GALNT16: variants seen among roughly 807,000 people sequenced by gnomAD.
GALNT16 encodes the protein polypeptide N-acetylgalactosaminyltransferase 16.
In GALNT16, 40 loss-of-function variants were observed where a neutral mutation model predicts 76.1. The observed-to-expected ratio is 0.53, with a 90% CI of 0.41 to 0.68. GALNT16 has a LOEUF of 0.68. Ranked by LOEUF, GALNT16 falls within the 30% of genes least tolerant of loss-of-function variation. GALNT16 has a pLI of 0.00. For synonymous variants in GALNT16, 276 were observed against 285.2 expected (o/e 0.97, Z 0.32); for missense variants, 621 against 731.9 (o/e 0.85, Z 1.75).
the GALNT16 span, among the ~76,000 whole-genome samples, chr14:69,382,570 A>G: frequency 6.6e-6 from 1 of 152,146 alleles, no homozygotes; most frequent in Admixed American, 6.6e-5. Flanking sequence ...CCAGTGGCTC[A>G]TGCCTGTAAT....
chr14:69,329,149 G>A (rs2045322653), intron 6 of GALNT16, among the ~76,000 whole-genome samples: 1 of 152,204 alleles, frequency 6.6e-6, no homozygotes, highest in Non-Finnish European at 1.5e-5. Flanking sequence ...CCTGAGATCG[G>A]GAGTTCAAGA....
chr14:69,320,628 T>A, intron 1 of GALNT16, 83 bp from the exon 2 acceptor site: 1 of 1,327,922 alleles, frequency 7.5e-7, no homozygotes, highest in Non-Finnish European at 1.0e-6. Flanking sequence ...CGTGGCTGGC[T>A]CCCGCCTGGT....
intron 6 of GALNT16, among the ~76,000 whole-genome samples, chr14:69,329,644 C>T (rs570228476): frequency 2.0e-5 from 3 of 152,142 alleles, no homozygotes; most frequent in African/African-American, 4.8e-5. Flanking sequence ...AAGGTTTAAT[C>T]GGCTCACGTT....
intron 9 of GALNT16, among the ~76,000 whole-genome samples, chr14:69,337,236 G>A (rs1184291162): frequency 6.6e-6 from 1 of 152,116 alleles, no homozygotes; most frequent in East Asian, 1.9e-4. Flanking sequence ...TTCTGCAACT[G>A]AATATTTGAG....
intron 1 of GALNT16, among the ~76,000 whole-genome samples, chr14:69,270,264 A>G (rs1352555832): frequency 1.3e-5 from 2 of 152,122 alleles, no homozygotes; most frequent in Admixed American, 1.3e-4. Context: ...TTTCTCGGGC[A>G]GGTGGTTGAT....
At chr14:69,279,865 G>A (rs910633657) in intron 1 of GALNT16, among the ~76,000 whole-genome samples, 1 of 152,176 alleles carries the variant, frequency 6.6e-6, no homozygotes, top group Non-Finnish European at 1.5e-5. Flanking sequence ...GGCTGTTGGG[G>A]GAAGAGACTG....
At chr14:69,326,921 A>G (rs1170562013) in intron 5 of GALNT16, among the ~76,000 whole-genome samples, 1 of 152,102 alleles carries the variant, frequency 6.6e-6, no homozygotes, top group Non-Finnish European at 1.5e-5. Flanking sequence ...ACTCATACTC[A>G]TACTCCCTTC....
chr14:69,326,759 G>T (rs2045290941), intron 5 of GALNT16, among the ~76,000 whole-genome samples: 1 of 152,212 alleles, frequency 6.6e-6, no homozygotes, highest in South Asian at 2.1e-4. Flanking sequence ...CGGGCATCCG[G>T]TTTGCTACTT....
intron 1 of GALNT16, among the ~76,000 whole-genome samples, chr14:69,310,505 G>A (rs1241230922): frequency 6.6e-6 from 1 of 152,080 alleles, no homozygotes; most frequent in East Asian, 1.9e-4. Flanking sequence ...GGCCATAAAG[G>A]GAAACATGGA....
Position 69,338,635 on chromosome 14 carries a change from C to G in GALNT16, c.968-16C>G. The G allele has an allele frequency of 6.2e-7, 1 of 1,610,712 alleles. No individual in the cohort carries two copies. The highest frequency in any genetic ancestry group is 8.5e-7 in the Non-Finnish European group (1 of 1,177,690). On this transcript the variant is annotated splice_polypyrimidine_tract_variant and intron_variant, in intron 9 of 14. Transcript: ENST00000448469. ...AGGAACCCCTTCCTCCTCCTGACGG[C>G]TACTATTTCCTGCAGAGCTCTCCTT...
At chr14:69,360,673 A>G (rs928529244), downstream of GALNT16, among the ~76,000 whole-genome samples, 3 of 152,162 alleles carry the variant, frequency 2.0e-5, no homozygotes, top group Non-Finnish European at 4.4e-5. Flanking sequence ...TAGAAGAAAA[A>G]AAAGGAAAGA....
intron 1 of GALNT16, among the ~76,000 whole-genome samples, chr14:69,290,765 T>C (rs927079513): frequency 6.6e-6 from 1 of 152,086 alleles, no homozygotes; most frequent in African/African-American, 2.4e-5. Flanking sequence ...CCCTCGAAAA[T>C]GAGTGTGGCG....
the GALNT16 span, among the ~76,000 whole-genome samples, chr14:69,372,585 T>A: frequency 7.6e-6 from 1 of 131,664 alleles, no homozygotes; most frequent in Admixed American, 9.2e-5. Context: ...AACCTCCACC[T>A]CCCAGGTTCA....
chr14:69,299,221 T>G (rs1196258806), intron 1 of GALNT16, among the ~76,000 whole-genome samples: 1 of 152,200 alleles, frequency 6.6e-6, no homozygotes, highest in Non-Finnish European at 1.5e-5. Context: ...GCTGTTTCTC[T>G]CCTTTCATTC....
At chr14:69,277,913 A>G (rs537561268) in intron 1 of GALNT16, among the ~76,000 whole-genome samples, 1 of 143,220 alleles carries the variant, frequency 7.0e-6, no homozygotes, top group Admixed American at 7.4e-5. Flanking sequence ...AATGATCGCC[A>G]TTCTAACATT....
chr14:69,379,686 G>A, the GALNT16 span, among the ~76,000 whole-genome samples: 23 of 152,250 alleles, frequency 1.5e-4, no homozygotes, highest in African/African-American at 5.5e-4. Context: ...ACAAAAAAGA[G>A]ACAAGACTAT....
chr14:69,310,587 T>G (rs896102076), intron 1 of GALNT16, among the ~76,000 whole-genome samples: 1 of 152,218 alleles, frequency 6.6e-6, no homozygotes, highest in African/African-American at 2.4e-5. Context: ...TTACTAACAA[T>G]GTATGGTTCA....
intron 12 of GALNT16, among the ~76,000 whole-genome samples, chr14:69,346,480 A>G (rs2045565797): frequency 6.6e-6 from 1 of 152,168 alleles, no homozygotes; most frequent in Admixed American, 6.5e-5. Context: ...GGAAGGTGTG[A>G]GAAGATTCAG....
Position 69,261,893 on chromosome 14 carries a change from G to A in GALNT16, c.177+1426G>A, listed in dbSNP as rs1485032576. Among the ~76,000 whole-genome samples, 1 of 152,144 alleles carries A rather than the reference G, an allele frequency of 6.6e-6. No homozygotes were observed. Among genetic ancestry groups the A allele is most frequent in the East Asian group, 1.9e-4 (1 of 5,186 alleles). On this transcript the variant is annotated intron_variant, in intron 1 of 14. Coordinates refer to ENST00000448469, the MANE Select transcript of GALNT16 (RefSeq NM_001168368.2). The surrounding 1 kb of genome is among the most constrained non-coding windows in gnomAD (Gnocchi z 6.4). ...CTGATTAGGTGCACTGTTCCCTTCT[G>A]GGCTGTTCTCCCAGGACACTGTTTC...
Sources: gnomAD v4.1 joint callset for allele counts (sites outside exome capture counted in the v4.1 genomes callset) on GRCh38, gnomAD v4.1.1 for gene constraint, Gnocchi (gnomAD v3.1) non-coding constraint, MANE v1.5 for transcripts, NCBI Gene and HGNC (gene_info 2026-07-23, HGNC 2026-07-21) for gene names.